The following EHBP1 variants were observed in gnomAD, a reference collection of about 807,000 sequenced individuals.
EHBP1 encodes EH domain-binding protein 1.
EHBP1 carries 55 observed loss-of-function variants against 144.0 expected under a neutral mutation model. The ratio of observed to expected loss-of-function variants is 0.38; its 90% CI spans 0.31 to 0.48. The LOEUF (loss-of-function observed/expected upper bound fraction) is 0.48. Among genes scored for constraint, EHBP1 ranks in the 20% least tolerant of loss-of-function variants. EHBP1 has a pLI of 0.98. For synonymous variants in EHBP1, 469 were observed against 472.7 expected (o/e 0.99, Z 0.10); for missense variants, 1,200 against 1,364.2 (o/e 0.88, Z 1.90).
intron 5 of EHBP1, among the ~76,000 whole-genome samples, chr2:62,774,432 C>G (rs1372506550): frequency 6.6e-6 from 1 of 151,256 alleles, no homozygotes; most frequent in African/African-American, 2.4e-5. Flanking sequence ...TAGACATTTT[C>G]TTTAAACCAA....
At chr2:62,961,583 G>A (rs1210804783) in intron 14 of EHBP1, among the ~76,000 whole-genome samples, 4 of 152,064 alleles carry the variant, frequency 2.6e-5, no homozygotes, top group Non-Finnish European at 5.9e-5. Context: ...CAGGAGTTTG[G>A]TAGCTTCAGC....
chr2:62,713,533 G>A (rs1345727594), intron 2 of EHBP1, among the ~76,000 whole-genome samples: 1 of 152,012 alleles, frequency 6.6e-6, no homozygotes, highest in Non-Finnish European at 1.5e-5. Context: ...TCTGAGCCAC[G>A]GCACCTGGCC....
At chr2:62,993,835 A>G (rs1179780347) in intron 17 of EHBP1, 36 bp from the exon 18 acceptor site, 3 of 1,475,962 alleles carry the variant, frequency 2.0e-6, no homozygotes, top group Admixed American at 2.4e-5. Context: ...CAAGCTTTAC[A>G]ATAATTTTAC....
chr2:62,987,970 T>C, intron 15 of EHBP1: 2 of 1,607,052 alleles, frequency 1.2e-6, no homozygotes, highest in Non-Finnish European at 1.7e-6. Flanking sequence ...AACGAGGAGA[T>C]CCCTGAAGGC....
Position 63,038,581 on chromosome 2 carries a change from G to A in EHBP1, c.3204-162G>A, listed in dbSNP as rs77458624. 2.8e-3 allele frequency among the ~76,000 whole-genome samples: 425 copies of A among 152,130 alleles called. 2 individuals are homozygous for A. The highest frequency in any genetic ancestry group is 9.4e-3 in the African/African-American group (389 of 41,506). ...AAAATAATAGCACTAGTAAATATTC[G>A]ACTGAGGAAGGTTTTAGGTTTGTGT... On this transcript the variant is annotated intron_variant, in intron 20 of 22. Transcript: ENST00000431489.
chr2:62,817,202 T>A (rs1434101656), intron 5 of EHBP1, among the ~76,000 whole-genome samples: 1 of 152,132 alleles, frequency 6.6e-6, no homozygotes, highest in Non-Finnish European at 1.5e-5. Flanking sequence ...TTTGCTCATG[T>A]AAGTTAAGGA....
At chr2:62,986,147 G>A (rs2059179590) in intron 15 of EHBP1, among the ~76,000 whole-genome samples, 1 of 152,204 alleles carries the variant, frequency 6.6e-6, no homozygotes, top group Non-Finnish European at 1.5e-5. Flanking sequence ...GAATAATGCT[G>A]AGGAAGTATT....
In EHBP1 at chr2:62,883,973, A is replaced by G. The variant is rs189809965; in HGVS notation, c.1185+9441A>G. On this transcript the variant is annotated intron_variant, in intron 10 of 22. Coordinates refer to ENST00000431489, the MANE Select transcript of EHBP1 (RefSeq NM_001142616.3). ...TGGCAGAGTGAAACACTGTCACCTA[A>G]TAACAAAAAATATTAATAATAGACT... 3.7e-4 allele frequency among the ~76,000 whole-genome samples: 57 copies of G among 152,336 alleles called. 1 individual carries two copies. The highest frequency in any genetic ancestry group is 1.3e-3 in the African/African-American group (53 of 41,592).
At chr2:62,905,597 G>T (rs1049664089) in intron 10 of EHBP1, among the ~76,000 whole-genome samples, 7 of 152,134 alleles carry the variant, frequency 4.6e-5, no homozygotes, top group African/African-American at 1.7e-4. Flanking sequence ...GGCCAAGGCA[G>T]GTGGATCACT....
rs147585689 is a variant in EHBP1, at chr2:62,886,503, A to C, written c.1185+11971A>C. ...TGCTCCTATATATATTAGCTGTTCT[A>C]TTGGTTAGTATTTTTTTTTTGTAAT... On this transcript the variant is annotated intron_variant, in intron 10 of 22. Transcript: ENST00000431489. 4.8e-4 allele frequency among the ~76,000 whole-genome samples: 72 copies of C among 149,398 alleles called. 1 individual carries two copies. Among genetic ancestry groups the C allele is most frequent in the African/African-American group, 1.5e-3 (64 of 41,330 alleles).
chr2:62,925,483 C>T (rs1160568634), intron 10 of EHBP1, among the ~76,000 whole-genome samples: 1 of 151,760 alleles, frequency 6.6e-6, no homozygotes, highest in Non-Finnish European at 1.5e-5. Flanking sequence ...TCTGTGCTCT[C>T]AGGAAATAAA....
At chr2:62,933,178 T>C (rs2056139663) in intron 10 of EHBP1, among the ~76,000 whole-genome samples, 1 of 151,898 alleles carries the variant, frequency 6.6e-6, no homozygotes, top group Non-Finnish European at 1.5e-5. Flanking sequence ...AATAATATAG[T>C]ATTTTCATGA....
intron 5 of EHBP1, among the ~76,000 whole-genome samples, chr2:62,786,599 TA>T (rs1034176891): frequency 6.6e-6 from 1 of 152,224 alleles, no homozygotes; most frequent in Admixed American, 6.5e-5. Context: ...TACAGATTTT[TA>T]GTTTTGCCTG....
chr2:62,681,039 G>C (rs567953232), intron 1 of EHBP1, among the ~76,000 whole-genome samples: 1 of 151,920 alleles, frequency 6.6e-6, no homozygotes, highest in Non-Finnish European at 1.5e-5. Flanking sequence ...ATGGCCGGGC[G>C]TGATGGCTCA....
At chr2:62,909,211 C>T (rs149978164) in intron 10 of EHBP1, among the ~76,000 whole-genome samples, 4 of 152,258 alleles carry the variant, frequency 2.6e-5, no homozygotes, top group Middle Eastern at 3.4e-3. Flanking sequence ...CAAGGTCTCA[C>T]GCTGTCACCT....
chr2:62,887,728 A>G (rs2052061931), intron 10 of EHBP1, among the ~76,000 whole-genome samples: 1 of 152,196 alleles, frequency 6.6e-6, no homozygotes, highest in South Asian at 2.1e-4. Context: ...ATCCCATCAA[A>G]TAATTGATAG....
chr2:62,834,791 T>C (rs963618116), intron 7 of EHBP1, among the ~76,000 whole-genome samples: 1 of 152,156 alleles, frequency 6.6e-6, no homozygotes, highest in African/African-American at 2.4e-5. Flanking sequence ...AAATACAGCA[T>C]TCACAGTGTA....
rs1295630635 is a variant in EHBP1, at chr2:62,949,451, A to G, written c.2316+289A>G. The stretch of plus-strand genomic sequence containing the variant: ...ACCTGCTGTATATTTAAGGTTTATG[A>G]TATAATATTTTAAGCCTAAAAATCC... On this transcript the variant is annotated intron_variant, in intron 13 of 22. Coordinates refer to ENST00000431489, the MANE Select transcript of EHBP1 (RefSeq NM_001142616.3). 2.6e-5 allele frequency among the ~76,000 whole-genome samples: 4 copies of G among 152,150 alleles called. No individual in the cohort carries two copies. The East Asian group carries it at 7.7e-4, about 29-fold the overall frequency.
chr2:62,827,157 C>A (rs778102829), intron 6 of EHBP1, among the ~76,000 whole-genome samples: 1 of 152,156 alleles, frequency 6.6e-6, no homozygotes, highest in African/African-American at 2.4e-5. Context: ...GGATTCTGTG[C>A]GTCAGTCAAA....
Sources: allele counts gnomAD v4.1 joint callset (sites outside exome capture counted in the v4.1 genomes callset), GRCh38; gene constraint gnomAD v4.1.1; transcripts MANE v1.5; gene names NCBI Gene and HGNC (gene_info 2026-07-23, HGNC 2026-07-21).